The following NFIB variants were observed in gnomAD, a reference collection of about 807,000 sequenced individuals.
NFIB encodes nuclear factor 1 B-type.
NFIB carries 11 observed loss-of-function variants against 61.5 expected under a neutral mutation model. The ratio of observed to expected loss-of-function variants is 0.18; its 90% confidence interval spans 0.11 to 0.30. The LOEUF (loss-of-function observed/expected upper bound fraction) is 0.30. Ranked by LOEUF, NFIB falls within the 10% of genes least tolerant of loss-of-function variation. The pLI is 1.00. For missense variants in NFIB, 471 were observed against 608.9 expected (o/e 0.77, Z 2.38); for synonymous variants, 260 against 216.5 (o/e 1.20, Z -1.76).
intron 1 of NFIB, among the ~76,000 whole-genome samples, chr9:14,321,498 T>G (rs28561764): frequency 0.023 from 3,468 of 152,294 alleles, 126 homozygotes; most frequent in African/African-American, 0.08. Context: ...TATTTTTAAA[T>G]GAGAATATCT....
chr9:14,245,895 T>A (rs887442814), intron 2 of NFIB, among the ~76,000 whole-genome samples: 3 of 151,906 alleles, frequency 2.0e-5, no homozygotes, highest in African/African-American at 7.3e-5. Context: ...TAATAATAAG[T>A]ACACATAAAT....
At chr9:14,508,951 T>C in the NFIB span, among the ~76,000 whole-genome samples, 1 of 152,238 alleles carries the variant, frequency 6.6e-6, no homozygotes, top group Admixed American at 6.5e-5. Context: ...TCTGGGTTGA[T>C]ACTCAGTATA....
At chr9:14,427,469 C>A in the NFIB span, among the ~76,000 whole-genome samples, 2 of 152,124 alleles carry the variant, frequency 1.3e-5, no homozygotes, top group Non-Finnish European at 2.9e-5. Context: ...AGTCATCAAG[C>A]AGGTAATTGG....
At chr9:14,255,279 C>T (rs951857774) in intron 2 of NFIB, among the ~76,000 whole-genome samples, 1 of 152,102 alleles carries the variant, frequency 6.6e-6, no homozygotes, top group Admixed American at 6.6e-5. Flanking sequence ...GGAGTTAACA[C>T]TTGGACATTT....
intron 1 of NFIB, among the ~76,000 whole-genome samples, chr9:14,363,953 C>T (rs563680571): frequency 5.9e-4 from 89 of 152,078 alleles, no homozygotes; most frequent in Non-Finnish European, 1.0e-3. Context: ...TAACCAATTG[C>T]CTATTAATTC....
chr9:14,292,553 T>A (rs1460734378), intron 2 of NFIB, among the ~76,000 whole-genome samples: 1 of 152,236 alleles, frequency 6.6e-6, no homozygotes, highest in East Asian at 1.9e-4. Context: ...ATTCCTAGGA[T>A]GCTAGAGCTA....
At chr9:14,524,397 C>A in the NFIB span, among the ~76,000 whole-genome samples, 1 of 152,068 alleles carries the variant, frequency 6.6e-6, no homozygotes, top group East Asian at 1.9e-4. Flanking sequence ...AAAAAAATCC[C>A]ATTTACAACA....
At chr9:14,246,755 T>C (rs1430867938) in intron 2 of NFIB, among the ~76,000 whole-genome samples, 2 of 152,172 alleles carry the variant, frequency 1.3e-5, no homozygotes, top group Non-Finnish European at 2.9e-5. Context: ...TCAAGGTATA[T>C]GTGTGGTTCA....
At chr9:14,212,080 T>C (rs1417407512) in intron 2 of NFIB, among the ~76,000 whole-genome samples, 6 of 152,224 alleles carry the variant, frequency 3.9e-5, no homozygotes, top group Admixed American at 6.5e-5. Context: ...TAAAGGTAAC[T>C]GGACTTTCCT....
chr9:14,255,464 G>A (rs867510583), intron 2 of NFIB, among the ~76,000 whole-genome samples: 4 of 152,134 alleles, frequency 2.6e-5, no homozygotes, highest in South Asian at 4.1e-4. Context: ...TGAAATGGAT[G>A]TATGGTCAAT....
At chr9:14,440,085 G>A in the NFIB span, among the ~76,000 whole-genome samples, 3 of 152,128 alleles carry the variant, frequency 2.0e-5, no homozygotes, top group Non-Finnish European at 4.4e-5. Flanking sequence ...TTTTTGTCTA[G>A]ATTTGTTCTT....
chr9:14,105,758 T>C (rs1257914530), intron 10 of NFIB, among the ~76,000 whole-genome samples: 1 of 152,192 alleles, frequency 6.6e-6, no homozygotes, highest in African/African-American at 2.4e-5. Flanking sequence ...AGACTCTATA[T>C]ATTAAAAGGT....
chr9:14,419,448 C>T, the NFIB span, among the ~76,000 whole-genome samples: 3 of 152,148 alleles, frequency 2.0e-5, no homozygotes, highest in Non-Finnish European at 2.9e-5. Context: ...ACAGACAGGG[C>T]CCACTTCACC....
intron 3 of NFIB, among the ~76,000 whole-genome samples, chr9:14,179,188 T>A (rs2046482584): frequency 6.6e-6 from 1 of 152,186 alleles, no homozygotes; most frequent in East Asian, 1.9e-4. Context: ...AAAGAGGGTA[T>A]TTGGGATACC....
At chr9:14,527,963 T>C in the NFIB span, among the ~76,000 whole-genome samples, 4 of 152,266 alleles carry the variant, frequency 2.6e-5, no homozygotes, top group African/African-American at 9.6e-5. Flanking sequence ...CTAATATATA[T>C]ATTTAGCATA....
chr9:14,363,534 C>T (rs570342689), intron 1 of NFIB, among the ~76,000 whole-genome samples: 4 of 151,952 alleles, frequency 2.6e-5, no homozygotes, highest in African/African-American at 7.3e-5. Flanking sequence ...TTTCTGAAGA[C>T]CCAGCCATAG....
Position 14,112,991 on chromosome 9 carries a change from T to C in NFIB, c.1467+8A>G, listed in dbSNP as rs894027179. The C allele has an allele frequency of 6.5e-7, 1 of 1,549,772 alleles. No individual in the cohort carries two copies. The highest frequency in any genetic ancestry group is 8.7e-7 in the Non-Finnish European group (1 of 1,146,608). ...CTACACCGTCACACCTGGGTGAAAC[T>C]TGCCCACCTGTTGCTGATGTAGGAA... On this transcript the variant is annotated splice_region_variant and intron_variant, in intron 10 of 10. Transcript: ENST00000380953.
chr9:14,356,329 C>G (rs2061175652), intron 1 of NFIB, among the ~76,000 whole-genome samples: 1 of 152,130 alleles, frequency 6.6e-6, no homozygotes, highest in Admixed American at 6.5e-5. Flanking sequence ...GCTAGTGTGG[C>G]TCGGACCAAG....
In NFIB at chr9:14,177,229, A is replaced by T. The variant is rs116163708; in HGVS notation, c.616+2498T>A. ...TTTTGGCCAAGGCAAGAATACAGAG[A>T]TAAAAAGAGCTTCCTAAAGATAAAT... On this transcript the variant is annotated intron_variant, in intron 3 of 10. Transcript: ENST00000380953. Among the ~76,000 whole-genome samples the T allele has an allele frequency of 3.9e-3, 601 of 152,334 alleles. 3 individuals carry two copies. Among genetic ancestry groups the T allele is most frequent in the African/African-American group, 0.013 (542 of 41,588 alleles).
Sources: allele counts gnomAD v4.1 joint callset (sites outside exome capture counted in the v4.1 genomes callset), GRCh38; gene constraint gnomAD v4.1.1; transcripts MANE v1.5; gene names NCBI Gene and HGNC (gene_info 2026-07-23, HGNC 2026-07-21).